CCDC22: variants seen among roughly 807,000 people sequenced by gnomAD.
CCDC22 encodes CCC complex scaffolding subunit CCDC22.
Under a neutral mutation model 53.1 loss-of-function variants are expected in CCDC22, and 4 were observed. The ratio of observed to expected loss-of-function variants is 0.08; its 90% CI spans 0.04 to 0.17. The LOEUF is 0.17. Among genes scored for constraint, CCDC22 ranks in the 10% least tolerant of loss-of-function variants. CCDC22 has a pLI of 1.00. For missense variants in CCDC22, 458 were observed against 554.0 expected (o/e 0.83, Z 1.74); for synonymous variants, 222 against 224.4 (o/e 0.99, Z 0.10).
chrX:49,243,004 G>A lies in CCDC22; in HGVS notation c.468+12G>A. 6 of 1,133,359 alleles carry A rather than the reference G, an allele frequency of 5.3e-6. No individual in the cohort carries two copies. Among genetic ancestry groups the A allele is most frequent in the Admixed American group, 5.3e-5 (2 of 37,572 alleles). 93.4% of individuals were successfully genotyped at this position (1,133,359 alleles called of 1,213,427 possible). A position where few individuals can be genotyped will look rare whatever the true frequency, so the allele number is the denominator to read the frequency against. ...TGCAGCACCTCCAGGTGAGACCCCT[G>A]ACTCCCATGGATCTTCTCTTGTCCC... On this transcript the variant is annotated intron_variant, in intron 4 of 16. Coordinates refer to ENST00000376227, the MANE Select transcript of CCDC22 (RefSeq NM_014008.5).
At chrX:49,238,116 C>G (rs1182449953) in intron 2 of CCDC22, among the ~76,000 whole-genome samples, 3 of 99,221 alleles carry the variant, frequency 3.0e-5, no homozygotes, top group Admixed American at 2.2e-4. Flanking sequence ...CTCTGTCACC[C>G]AAGCTGGAAT....
intron 3 of CCDC22, 136 bp downstream of exon 3, chrX:49,242,284 G>C (rs2065967524): frequency 9.1e-7 from 1 of 1,094,786 alleles, no homozygotes; most frequent in Non-Finnish European, 1.2e-6. Context: ...AGGAGAGCTA[G>C]GCAGGAGGAT....
intron 2 of CCDC22, among the ~76,000 whole-genome samples, chrX:49,238,493 C>T (rs782033724): frequency 8.9e-6 from 1 of 112,887 alleles, no homozygotes; most frequent in South Asian, 3.6e-4. Context: ...AGAGTGTCTG[C>T]TATATTACCT....
At chrX:49,242,648 G>A (rs1438887531) in intron 3 of CCDC22, among the ~76,000 whole-genome samples, 1 of 110,856 alleles carries the variant, frequency 9.0e-6, no homozygotes, top group African/African-American at 3.3e-5. Context: ...CTAGCTTGCC[G>A]GCTCCCTGAG....
chrX:49,245,059 TTC>T (rs1366199260), intron 6 of CCDC22, among the ~76,000 whole-genome samples: 2 of 109,632 alleles, frequency 1.8e-5, no homozygotes, highest in Admixed American at 9.7e-5. Context: ...CTCTGTCCAC[TTC>T]TCTTTTTCCC....
rs1246872911 is a variant in CCDC22 at position 49,249,232 on chromosome X, G to A, written c.1605G>A (p.Thr535=). The A allele has an allele frequency of 3.3e-6, 4 of 1,209,644 alleles. No homozygotes were observed. Among genetic ancestry groups the A allele is most frequent in the South Asian group, 3.5e-5 (2 of 56,926 alleles). Residue 535 remains threonine (T), a synonymous_variant, in exon 14 of 17, where the codon ACG becomes ACA. Coordinates refer to ENST00000376227, the MANE Select transcript of CCDC22 (RefSeq NM_014008.5). ...CCCTATCTGGGAAGCTGGACCGGAC[G>A]TTTGCGGTGACTGATGAGCTTGTGT... ...INSLSGKLDR[T]FAVTDELVFK... is the part of the protein sequence containing the mutation.
chrX:49,241,862 G>A (rs2065965323), intron 2 of CCDC22, among the ~76,000 whole-genome samples, 154 bp from the exon 3 acceptor site: 1 of 111,526 alleles, frequency 9.0e-6, no homozygotes, highest in South Asian at 3.8e-4. Context: ...TCATCACTCT[G>A]TGACTCCCCC....
In CCDC22 at chrX:49,249,238, G is replaced by A. The variant is rs143702029; in HGVS notation, c.1611G>A (p.Ala537=). The A allele has an allele frequency of 2.2e-5, 27 of 1,207,228 alleles. No homozygotes were observed. In the Admixed American group the frequency reaches 2.6e-4, roughly 12 times the overall value. Residue 537 remains alanine (A), a synonymous_variant, in exon 14 of 17, where the codon GCG becomes GCA. Transcript: ENST00000376227. ...CTGGGAAGCTGGACCGGACGTTTGC[G>A]GTGACTGATGAGCTTGTGTTCAAGG... The part of the protein sequence containing the change: ...SLSGKLDRTF[A]VTDELVFKDA...
In CCDC22 at chrX:49,248,467, C is replaced by T. The variant is rs1239842455; in HGVS notation, c.1273C>T (p.Arg425Trp). Residue 425 changes from arginine to tryptophan, a missense_variant, in exon 11 of 17, where the codon CGG (arginine) becomes TGG (tryptophan). By Grantham distance (101) the Arg-to-Trp change is moderately radical. Transcript: ENST00000376227. ...CTTGGCGGGTCAGTGGGAGAAGCAC[C>T]GGGTCCCACTCCTCGCTGAGTACCG... is the stretch of plus-strand genomic sequence containing the variant. ...IHLAGQWEKH[R>W]VPLLAEYRHL... 8.3e-7 allele frequency: 1 copy of T among 1,210,303 alleles called. No homozygotes were observed. Among genetic ancestry groups the T allele is most frequent in the Non-Finnish European group, 1.1e-6 (1 of 894,980 alleles).
chrX:49,249,615 G>GGGGGGGGGGGGGGGGGGGGGGGGGGA, intron 15 of CCDC22, 36 bp from the exon 16 acceptor site: 1 of 406,818 alleles, frequency 2.5e-6, no homozygotes, highest in East Asian at 7.5e-5. Context: ...GGGTGGGTGG[G>GGGGGGGGGGGGGGGGGGGGGGGGGGA]ACTGGGTGCA....
chrX:49,240,334 A>G (rs1459047876), intron 2 of CCDC22, among the ~76,000 whole-genome samples: 2 of 108,009 alleles, frequency 1.9e-5, no homozygotes, highest in African/African-American at 6.8e-5. Context: ...GGCAGATCTC[A>G]CCAGAGGTCA....
At chrX:49,248,553 G>A (rs2066004128) in intron 11 of CCDC22, 30 bp downstream of exon 11, 2 of 1,195,845 alleles carry the variant, frequency 1.7e-6, no homozygotes, top group East Asian at 5.9e-5. Flanking sequence ...GCTGTGGGCG[G>A]GCCAGGGCAG....
At chrX:49,246,705 C>T in intron 6 of CCDC22, 26 bp from the exon 7 acceptor site, 1 of 1,108,650 alleles carries the variant, frequency 9.0e-7, no homozygotes, top group South Asian at 2.3e-5. Flanking sequence ...CTACACCTTC[C>T]TGCTTCCCCC....
chrX:49,242,435 G>T, intron 3 of CCDC22: 9 of 464,430 alleles, frequency 1.9e-5, no homozygotes, highest in Non-Finnish European at 2.4e-5. Flanking sequence ...AACCACTTGG[G>T]CCTCCTGGGT....
At chrX:49,242,217 TGA>T (rs1339222039) in intron 3 of CCDC22, 69 bp downstream of exon 3, 10 of 1,187,747 alleles carry the variant, frequency 8.4e-6, no homozygotes, top group South Asian at 1.8e-5. Flanking sequence ...GCTGTAGGGC[TGA>T]GAGAGGTAGA....
At chrX:49,249,039 G>A in intron 13 of CCDC22, 115 bp downstream of exon 13, 2 of 1,128,275 alleles carry the variant, frequency 1.8e-6, no homozygotes, top group Non-Finnish European at 2.4e-6. Flanking sequence ...ACACAGAATA[G>A]TCACACACAA....
chrX:49,243,051 G>C lies in CCDC22; in HGVS notation c.468+59G>C, dbSNP rs1008306443. The C allele has an allele frequency of 6.1e-6, 7 of 1,144,539 alleles. No individual in the cohort carries two copies. In the African/African-American group the frequency reaches 1.3e-4, roughly 21 times the overall value. The allele number at this position is 1,144,539 out of a possible 1,213,427, so 94.3% of individuals were successfully genotyped here. A position where few individuals can be genotyped will look rare whatever the true frequency, so the allele number is the denominator to read the frequency against. On this transcript the variant is annotated intron_variant, in intron 4 of 16. Coordinates refer to ENST00000376227, the MANE Select transcript of CCDC22 (RefSeq NM_014008.5). ...TCCCCGTCTGGGTGCCCAGGGTTTT[G>C]GCCCCCTACCCCTGGCAACCCTCAT... is the stretch of plus-strand genomic sequence containing the variant.
chrX:49,243,229 G>A (rs782265569), intron 5 of CCDC22, 45 bp downstream of exon 5: 43 of 1,196,032 alleles, frequency 3.6e-5, no homozygotes, highest in Admixed American at 1.1e-4. Flanking sequence ...AGGTGGGGGG[G>A]AACCTCATAG....
rs782693747 is a variant in CCDC22 at position 49,243,159 on chromosome X, C to T, written c.510C>T (p.Val170=). Residue 170 remains valine, a synonymous_variant, in exon 5 of 17, where the codon GTC becomes GTT. Coordinates refer to ENST00000376227, the MANE Select transcript of CCDC22 (RefSeq NM_014008.5). The part of the protein sequence containing the change: ...LQKPFHASRL[V]VPELSSRGEP... Reference sequence around the variant, plus strand: ...AGCCTTTCCATGCCAGCAGGCTGGTCGTGCCAGAATTGAGTTCCAGAGGTG... The same window carrying T: ...AGCCTTTCCATGCCAGCAGGCTGGTTGTGCCAGAATTGAGTTCCAGAGGTG... 32 of 1,210,103 alleles carry T rather than the reference C, an allele frequency of 2.6e-5. No individual in the cohort carries two copies. Among genetic ancestry groups the T allele is most frequent in the Non-Finnish European group, 3.1e-5 (28 of 894,933 alleles).
Sources: allele counts gnomAD v4.1 joint callset (sites outside exome capture counted in the v4.1 genomes callset), GRCh38; gene constraint gnomAD v4.1.1; transcripts MANE v1.5; gene names NCBI Gene and HGNC (gene_info 2026-07-23, HGNC 2026-07-21).